The following OXR1 variants were observed in gnomAD, a reference collection of about 807,000 sequenced individuals.
OXR1 encodes oxidation resistance 1, also known as oxidation resistance protein 1.
OXR1 carries 41 observed loss-of-function variants against 104.6 expected under a neutral mutation model. The ratio of observed to expected loss-of-function variants is 0.39; its 90% CI spans 0.31 to 0.51. The LOEUF (loss-of-function observed/expected upper bound fraction) is 0.51, where lower values mean the gene tolerates loss of function less well. Ranked by LOEUF, OXR1 falls within the 20% of genes least tolerant of loss-of-function variation. The probability of loss-of-function intolerance (pLI) is 0.77; values close to 1 mark genes in which losing one functional copy is unlikely to be tolerated. For synonymous variants in OXR1, 348 were observed against 348.4 expected, an observed-to-expected ratio of 1.00 and a Z score of 0.01; for missense variants, 955 against 1,031.9, an observed-to-expected ratio of 0.93 and a Z score of 1.02.
Position 106,678,079 on chromosome 8 carries a change from A to G in OXR1, c.221-1131A>G, listed in dbSNP as rs575194502. ...GCTGTGAAGGAGACATAAAGATGCT[A>G]TGTGACTAATAACAGGGACTTGGGT... On this transcript the variant is annotated intron_variant, in intron 3 of 16. Transcript: ENST00000517566. Among the ~76,000 whole-genome samples, 4 of 152,218 alleles carry G rather than the reference A, an allele frequency of 2.6e-5. No homozygotes were observed. The East Asian group carries it at 5.8e-4, about 22-fold the overall frequency.
intron 3 of OXR1, among the ~76,000 whole-genome samples, chr8:106,616,697 A>C (rs893612598): frequency 3.9e-5 from 6 of 152,348 alleles, no homozygotes; most frequent in Admixed American, 2.0e-4. Context: ...ATTACTATTT[A>C]TACAACTTCA....
chr8:106,296,792 C>T (rs577184290), intron 1 of OXR1, among the ~76,000 whole-genome samples: 4 of 152,210 alleles, frequency 2.6e-5, no homozygotes, highest in African/African-American at 9.7e-5. Context: ...GGAAAGATAA[C>T]ACTGGAACAA....
At chr8:106,476,149 A>G (rs1821798426) in intron 2 of OXR1, among the ~76,000 whole-genome samples, 1 of 151,808 alleles carries the variant, frequency 6.6e-6, no homozygotes, top group Non-Finnish European at 1.5e-5. Context: ...TACTGTGTGT[A>G]ATGAAATTTA....
intron 2 of OXR1, among the ~76,000 whole-genome samples, chr8:106,463,247 A>T (rs922552645): frequency 6.6e-6 from 1 of 152,152 alleles, no homozygotes; most frequent in Non-Finnish European, 1.5e-5. Flanking sequence ...ACCTTCAACT[A>T]CAATAGTATT....
chr8:106,337,117 T>A (rs1815000748), intron 1 of OXR1, among the ~76,000 whole-genome samples: 1 of 152,218 alleles, frequency 6.6e-6, no homozygotes, highest in African/African-American at 2.4e-5. Flanking sequence ...ACAAAGATAA[T>A]TCATAAACTC....
chr8:106,673,345 A>G (rs1827237080), intron 3 of OXR1, among the ~76,000 whole-genome samples: 1 of 152,190 alleles, frequency 6.6e-6, no homozygotes. Context: ...GAGAGAGATG[A>G]AATAGGGTAT....
At chr8:106,456,301 G>A (rs1421430602) in intron 2 of OXR1, among the ~76,000 whole-genome samples, 1 of 152,050 alleles carries the variant, frequency 6.6e-6, no homozygotes, top group Non-Finnish European at 1.5e-5. Flanking sequence ...CATTCATTGA[G>A]TCATATGACC....
intron 2 of OXR1, among the ~76,000 whole-genome samples, chr8:106,393,972 T>A (rs1362892881): frequency 1.3e-5 from 2 of 152,060 alleles, no homozygotes; most frequent in African/African-American, 4.8e-5. Flanking sequence ...CTATTTCTGT[T>A]TAACATACAT....
At chr8:106,625,041 G>A (rs1214087274) in intron 3 of OXR1, among the ~76,000 whole-genome samples, 5 of 152,018 alleles carry the variant, frequency 3.3e-5, no homozygotes, top group Non-Finnish European at 5.9e-5. Context: ...ATCCTCCCAC[G>A]TTGGCCTCCC....
At chr8:106,513,001 G>A (rs1468225635) in intron 2 of OXR1, among the ~76,000 whole-genome samples, 17 of 152,162 alleles carry the variant, frequency 1.1e-4, no homozygotes, top group Non-Finnish European at 2.4e-4. Context: ...TGGGATGTAC[G>A]TTCATTCATT....
intron 4 of OXR1, among the ~76,000 whole-genome samples, 184 bp from the exon 5 acceptor site, chr8:106,683,015 T>C (rs971944819): frequency 1.3e-5 from 2 of 152,218 alleles, no homozygotes; most frequent in Non-Finnish European, 2.9e-5. Flanking sequence ...TTACTCTGTA[T>C]TGTAATAGAT....
At chr8:106,717,991 T>G (rs1832434027) in intron 11 of OXR1, among the ~76,000 whole-genome samples, 1 of 152,224 alleles carries the variant, frequency 6.6e-6, no homozygotes, top group Non-Finnish European at 1.5e-5. Flanking sequence ...TTTGTTACAA[T>G]AAGCTTAAGG....
intron 1 of OXR1, among the ~76,000 whole-genome samples, chr8:106,346,715 G>A (rs371737356): frequency 9.1e-4 from 137 of 150,640 alleles, no homozygotes; most frequent in African/African-American, 3.0e-3. Context: ...ACTCTCTGAG[G>A]TTTAGAGGCC....
At chr8:106,701,233 A>G (rs1327908576) in intron 7 of OXR1, among the ~76,000 whole-genome samples, 2 of 152,180 alleles carry the variant, frequency 1.3e-5, no homozygotes, top group African/African-American at 4.8e-5. Context: ...AGAGTTTCAT[A>G]TGGATTCCCT....
At chr8:106,308,521 T>G (rs993402762) in intron 1 of OXR1, among the ~76,000 whole-genome samples, 3 of 152,190 alleles carry the variant, frequency 2.0e-5, no homozygotes, top group Non-Finnish European at 4.4e-5. Flanking sequence ...ATCCCAATAC[T>G]GACCTGGTCA....
chr8:106,502,029 A>C (rs1369221690), intron 2 of OXR1, among the ~76,000 whole-genome samples: 2 of 152,182 alleles, frequency 1.3e-5, no homozygotes, highest in Non-Finnish European at 2.9e-5. Context: ...CCTAGCTGGA[A>C]CCTCATTCCA....
chr8:106,432,374 A>G (rs1042603853), intron 2 of OXR1, among the ~76,000 whole-genome samples: 1 of 152,054 alleles, frequency 6.6e-6, no homozygotes, highest in Non-Finnish European at 1.5e-5. Flanking sequence ...GTTTCATCCA[A>G]TGCTGCAGTG....
chr8:106,571,417 C>A (rs986394060), intron 3 of OXR1, among the ~76,000 whole-genome samples: 2 of 151,872 alleles, frequency 1.3e-5, no homozygotes, highest in Non-Finnish European at 1.5e-5. Context: ...AAGGCCTGAC[C>A]CTCATGACCT....
chr8:106,372,060 C>A (rs573365984), intron 2 of OXR1, among the ~76,000 whole-genome samples: 2 of 152,206 alleles, frequency 1.3e-5, no homozygotes, highest in South Asian at 2.1e-4. Context: ...GCCCCTCCCC[C>A]CAGGAGTTCA....
Sources: allele counts gnomAD v4.1 joint callset (sites outside exome capture counted in the v4.1 genomes callset), GRCh38; gene constraint gnomAD v4.1.1; transcripts MANE v1.5; gene names NCBI Gene and HGNC (gene_info 2026-07-23, HGNC 2026-07-21).